The following CSMD3 variants were observed in gnomAD, a reference collection of about 807,000 sequenced individuals.
CSMD3 encodes CUB and sushi domain-containing protein 3.
A neutral mutation model predicts 435.2 loss-of-function variants in CSMD3; 177 were observed. That is an observed-to-expected ratio of 0.41 (90% CI 0.36 to 0.46). CSMD3 has a LOEUF of 0.46. Ranked by LOEUF, CSMD3 falls within the 20% of genes least tolerant of loss-of-function variation. CSMD3 has a pLI of 0.34. For missense variants in CSMD3, 4,265 were observed against 4,504.6 expected (o/e 0.95, Z 1.52); for synonymous variants, 1,656 against 1,520.5 (o/e 1.09, Z -2.07).
intron 32 of CSMD3, among the ~76,000 whole-genome samples, chr8:112,413,608 A>AAC (rs1289246752): frequency 2.0e-5 from 3 of 152,206 alleles, no homozygotes; most frequent in Non-Finnish European, 2.9e-5. Context: ...TCACTGTGGA[A>AAC]ACAGTATAGT....
intron 4 of CSMD3, 100 bp from the exon 5 acceptor site, chr8:113,099,063 G>A (rs1318471866): frequency 3.9e-6 from 3 of 777,726 alleles, no homozygotes; most frequent in Non-Finnish European, 6.7e-6. Context: ...AAAAATAACA[G>A]TTCAAATGTG....
chr8:112,608,603 TACAC>T (rs1173144642), intron 22 of CSMD3, among the ~76,000 whole-genome samples: 3 of 150,896 alleles, frequency 2.0e-5, no homozygotes, highest in Non-Finnish European at 3.0e-5. Flanking sequence ...TATATATACA[TACAC>T]ACACACACAC....
intron 30 of CSMD3, among the ~76,000 whole-genome samples, chr8:112,496,056 G>A (rs1323517653): frequency 1.3e-5 from 2 of 151,752 alleles, no homozygotes; most frequent in African/African-American, 2.4e-5. Flanking sequence ...TGCAAGCTCC[G>A]CCTCTCCGGT....
chr8:112,506,001 C>T (rs1044781836), intron 29 of CSMD3, among the ~76,000 whole-genome samples: 13 of 151,988 alleles, frequency 8.6e-5, no homozygotes, highest in South Asian at 2.1e-4. Context: ...TTCTAATGTC[C>T]GTATTGATGT....
At chr8:112,905,619 A>G (rs1357500435) in intron 10 of CSMD3, among the ~76,000 whole-genome samples, 3 of 151,568 alleles carry the variant, frequency 2.0e-5, no homozygotes, top group Non-Finnish European at 3.0e-5. Flanking sequence ...ACCATCAATT[A>G]TAAAAGATTT....
chr8:112,387,141 A>T (rs1830045428), intron 36 of CSMD3, among the ~76,000 whole-genome samples: 1 of 152,172 alleles, frequency 6.6e-6, no homozygotes. Context: ...AAACAAACAA[A>T]TGAATCCACT....
intron 10 of CSMD3, among the ~76,000 whole-genome samples, chr8:112,877,771 A>G (rs1280044908): frequency 6.6e-6 from 1 of 152,168 alleles, no homozygotes; most frequent in East Asian, 1.9e-4. Flanking sequence ...CCACACATCT[A>G]CAACCATCTG....
chr8:112,864,841 G>A (rs896746025), intron 10 of CSMD3, among the ~76,000 whole-genome samples: 3 of 152,016 alleles, frequency 2.0e-5, no homozygotes, highest in African/African-American at 7.2e-5. Context: ...ATATTTATGC[G>A]TTTCCTATAT....
chr8:113,122,527 C>T (rs972682933), intron 4 of CSMD3, among the ~76,000 whole-genome samples: 2 of 152,004 alleles, frequency 1.3e-5, no homozygotes, highest in African/African-American at 4.8e-5. Context: ...TATGAGATCA[C>T]CCAGGAATAT....
intron 1 of CSMD3, among the ~76,000 whole-genome samples, chr8:113,422,959 T>C (rs1460128439): frequency 6.6e-6 from 1 of 152,028 alleles, no homozygotes; most frequent in Non-Finnish European, 1.5e-5. Flanking sequence ...TATGTGCATA[T>C]ACACAATGAA....
chr8:112,795,480 A>G lies in CSMD3; in HGVS notation c.1972+4682T>C, dbSNP rs373627737. 3.9e-5 allele frequency among the ~76,000 whole-genome samples: 6 copies of G among 152,278 alleles called. No individual in the cohort carries two copies. In the East Asian group the frequency reaches 9.7e-4, roughly 25 times the overall value. ...CACATACCCTTGTCAAATATATTAAATGTTCAAATATAAATTCACTGCCAT... is the reference window on the plus strand; with the variant it reads ...CACATACCCTTGTCAAATATATTAAGTGTTCAAATATAAATTCACTGCCAT... On this transcript the variant is annotated intron_variant, in intron 13 of 70. Coordinates refer to ENST00000297405, the MANE Select transcript of CSMD3 (RefSeq NM_198123.2).
At chr8:112,355,170 A>C (rs1439974288) in intron 38 of CSMD3, among the ~76,000 whole-genome samples, 1 of 152,176 alleles carries the variant, frequency 6.6e-6, no homozygotes, top group Non-Finnish European at 1.5e-5. Context: ...GAAAATAGAC[A>C]CCTATCTCTC....
At chr8:112,603,136 T>C (rs1335728755) in intron 22 of CSMD3, among the ~76,000 whole-genome samples, 2 of 152,176 alleles carry the variant, frequency 1.3e-5, no homozygotes, top group African/African-American at 4.8e-5. Context: ...CCTCGCCCTC[T>C]CAAAGTGTCG....
At chr8:113,159,114 A>G (rs535879322) in intron 4 of CSMD3, among the ~76,000 whole-genome samples, 1 of 152,130 alleles carries the variant, frequency 6.6e-6, no homozygotes, top group South Asian at 2.1e-4. Context: ...ATAAATGTTT[A>G]CAAATATTTT....
chr8:112,957,404 A>G (rs1030922798), intron 7 of CSMD3, among the ~76,000 whole-genome samples: 1 of 152,214 alleles, frequency 6.6e-6, no homozygotes, highest in East Asian at 1.9e-4. Flanking sequence ...CCTCCACTGT[A>G]TGGTAAGCTC....
intron 1 of CSMD3, among the ~76,000 whole-genome samples, chr8:113,428,188 T>C (rs191825160): frequency 6.6e-6 from 1 of 151,052 alleles, no homozygotes; most frequent in Admixed American, 6.6e-5. Context: ...AAGTTATGTG[T>C]TACTCCAACT....
intron 13 of CSMD3, among the ~76,000 whole-genome samples, chr8:112,796,173 A>G (rs1199586484): frequency 6.6e-6 from 1 of 152,074 alleles, no homozygotes; most frequent in Non-Finnish European, 1.5e-5. Context: ...TCTCAAAATC[A>G]CTTAGGATAT....
chr8:112,414,155 C>A (rs114014474), intron 32 of CSMD3, among the ~76,000 whole-genome samples: 4 of 152,168 alleles, frequency 2.6e-5, no homozygotes. Context: ...TACTGCGAAA[C>A]CCATCAGAGT....
At chr8:112,911,403 T>C (rs935037389) in intron 10 of CSMD3, among the ~76,000 whole-genome samples, 1 of 151,868 alleles carries the variant, frequency 6.6e-6, no homozygotes, top group Non-Finnish European at 1.5e-5. Context: ...CGAAAACATT[T>C]AAAATTTACT....
Sources: allele counts gnomAD v4.1 joint callset (sites outside exome capture counted in the v4.1 genomes callset), GRCh38; gene constraint gnomAD v4.1.1; transcripts MANE v1.5; gene names NCBI Gene and HGNC (gene_info 2026-07-23, HGNC 2026-07-21).